CERKL: variants seen among roughly 807,000 people sequenced by gnomAD.
CERKL encodes the protein CERK like autophagy regulator.
CERKL carries 61 observed loss-of-function variants against 63.4 expected under a neutral mutation model. That is an observed-to-expected ratio of 0.96 (90% CI 0.78 to 1.19). CERKL has a LOEUF of 1.19. CERKL is among the 50% of genes most tolerant of loss of function. The pLI, the probability that CERKL is intolerant of heterozygous loss-of-function variation, is 0.00. For missense variants in CERKL, 675 were observed against 655.5 expected, an observed-to-expected ratio of 1.03 and a Z score of -0.33; for synonymous variants, 250 against 230.5, an observed-to-expected ratio of 1.08 and a Z score of -0.77.
chr2:181,620,359 C>A (rs749612001), intron 1 of CERKL, among the ~76,000 whole-genome samples: 1 of 152,178 alleles, frequency 6.6e-6, no homozygotes, highest in African/African-American at 2.4e-5. Context: ...GATCCCATTA[C>A]TTCCCAGCAG....
intron 1 of CERKL, among the ~76,000 whole-genome samples, chr2:181,651,862 T>C (rs1687952235): frequency 1.3e-5 from 2 of 150,160 alleles, no homozygotes; most frequent in Non-Finnish European, 3.0e-5. Flanking sequence ...TATACACTAA[T>C]ATTGTACTAT....
At chr2:181,592,133 C>G (rs567177511) in intron 2 of CERKL, among the ~76,000 whole-genome samples, 2 of 152,190 alleles carry the variant, frequency 1.3e-5, no homozygotes, top group African/African-American at 4.8e-5. Context: ...CTCCCTACAC[C>G]TTCTCCTTTA....
chr2:181,613,486 A>T (rs1468398469), intron 1 of CERKL, among the ~76,000 whole-genome samples: 2 of 152,198 alleles, frequency 1.3e-5, no homozygotes, highest in Non-Finnish European at 2.9e-5. Flanking sequence ...TTTCCAGCTC[A>T]AGCTTCCAAT....
chr2:181,621,833 T>A (rs1686468324), intron 1 of CERKL, among the ~76,000 whole-genome samples: 1 of 152,220 alleles, frequency 6.6e-6, no homozygotes, highest in South Asian at 2.1e-4. Context: ...ACTGTCAGTT[T>A]TTTTTTAGAA....
intron 2 of CERKL, among the ~76,000 whole-genome samples, chr2:181,590,757 T>C (rs922709975): frequency 4.6e-5 from 7 of 152,174 alleles, no homozygotes; most frequent in Non-Finnish European, 1.0e-4. Flanking sequence ...TTCTAAAACA[T>C]AAAAGTACTT....
At chr2:181,603,660 C>T (rs542851475) in intron 2 of CERKL, 177 bp downstream of exon 2, 13 of 718,948 alleles carry the variant, frequency 1.8e-5, no homozygotes, top group African/African-American at 1.7e-4. Flanking sequence ...ATATGATTAT[C>T]TCAATTAATG....
At chr2:181,645,949 A>T (rs915611627) in intron 1 of CERKL, among the ~76,000 whole-genome samples, 2 of 152,214 alleles carry the variant, frequency 1.3e-5, no homozygotes, top group African/African-American at 4.8e-5. Flanking sequence ...GATAAATGCC[A>T]CTGAGGAATA....
rs576394618 is a variant in CERKL, at chr2:181,574,720, G to A, written c.482-836C>T. 9.3e-4 allele frequency among the ~76,000 whole-genome samples: 141 copies of A among 152,182 alleles called. No individual in the cohort carries two copies. In the Middle Eastern group the frequency reaches 0.014, roughly 15 times the overall value. Reference sequence around the variant, plus strand: ...CGGTAAGCTGCTCTCAGAGGGCCACGTTTAAAGATTAAACAAGCAGTTATT... The same window carrying A: ...CGGTAAGCTGCTCTCAGAGGGCCACATTTAAAGATTAAACAAGCAGTTATT... On this transcript the variant is annotated intron_variant, in intron 2 of 12. Transcript: ENST00000410087.
chr2:181,656,699 T>G, intron 1 of CERKL, 70 bp downstream of exon 1: 5 of 1,290,938 alleles, frequency 3.9e-6, no homozygotes, highest in Non-Finnish European at 5.3e-6. Context: ...AGCTCGTGGG[T>G]GTAGGCCTTG....
chr2:181,656,739 A>C lies in CERKL; in HGVS notation c.238+30T>G. 3 of 1,539,646 alleles carry C rather than the reference A, an allele frequency of 1.9e-6. No homozygotes were observed. In the South Asian group the frequency reaches 3.6e-5, roughly 18 times the overall value. On this transcript the variant is annotated intron_variant, in intron 1 of 12. Coordinates refer to ENST00000410087, the MANE Select transcript of CERKL (RefSeq NM_201548.5). The stretch of plus-strand genomic sequence containing the variant: ...GGGGAGAGGGAGGAAGCGCGGAGGG[A>C]GGCGAAGACGCTTGGGGCCGGGCAC...
At chr2:181,610,556 A>G (rs936531436) in intron 1 of CERKL, among the ~76,000 whole-genome samples, 1 of 152,252 alleles carries the variant, frequency 6.6e-6, no homozygotes, top group Non-Finnish European at 1.5e-5. Flanking sequence ...CTCATAAATG[A>G]GTAAGTGAAA....
intron 1 of CERKL, among the ~76,000 whole-genome samples, chr2:181,625,111 G>T (rs1686626529): frequency 6.6e-6 from 1 of 152,130 alleles, no homozygotes; most frequent in African/African-American, 2.4e-5. Flanking sequence ...AATGGAGACT[G>T]GGAAAAAGCA....
chr2:181,614,198 T>C (rs953178219), intron 1 of CERKL, among the ~76,000 whole-genome samples: 11 of 152,172 alleles, frequency 7.2e-5, no homozygotes, highest in African/African-American at 2.7e-4. Context: ...GGTTTCCAGG[T>C]GAAAAGCCCT....
chr2:181,576,818 T>C (rs752503355), intron 2 of CERKL, among the ~76,000 whole-genome samples: 14 of 152,194 alleles, frequency 9.2e-5, no homozygotes, highest in Non-Finnish European at 1.5e-4. Context: ...TCTTTGGATA[T>C]AGTATGTGAA....
At chr2:181,656,255 G>GA (rs1040837495) in intron 1 of CERKL, among the ~76,000 whole-genome samples, 3 of 152,174 alleles carry the variant, frequency 2.0e-5, no homozygotes, top group Non-Finnish European at 4.4e-5. Context: ...AAAAAACCCA[G>GA]AAACACTCCC....
intron 2 of CERKL, among the ~76,000 whole-genome samples, chr2:181,576,121 T>C (rs1012311308): frequency 5.9e-5 from 9 of 152,214 alleles, no homozygotes; most frequent in Non-Finnish European, 1.5e-5. Context: ...TGAGTAATAC[T>C]GACACTAAAC....
chr2:181,549,090 C>G (rs1431895946), intron 6 of CERKL, among the ~76,000 whole-genome samples: 1 of 152,104 alleles, frequency 6.6e-6, no homozygotes, highest in Non-Finnish European at 1.5e-5. Context: ...CAGCTTATTG[C>G]TATTTCCTAT....
chr2:181,626,339 GA>G (rs1202687565), intron 1 of CERKL, among the ~76,000 whole-genome samples: 1 of 151,998 alleles, frequency 6.6e-6, no homozygotes, highest in Admixed American at 6.6e-5. Context: ...AAAAACTCAA[GA>G]AAAACCAATA....
chr2:181,618,948 A>G (rs1254080290), intron 1 of CERKL, among the ~76,000 whole-genome samples: 1 of 152,156 alleles, frequency 6.6e-6, no homozygotes, highest in African/African-American at 2.4e-5. Context: ...ATCTTTCTTC[A>G]CCTTGTATTA....
Sources: allele counts gnomAD v4.1 joint callset (sites outside exome capture counted in the v4.1 genomes callset), GRCh38; gene constraint gnomAD v4.1.1; transcripts MANE v1.5; gene names NCBI Gene and HGNC (gene_info 2026-07-23, HGNC 2026-07-21).